The following ACAP2 variants were observed in gnomAD, a reference collection of about 807,000 sequenced individuals.
ACAP2 encodes ArfGAP with coiled-coil, ankyrin repeat and PH domains 2, also known as arf-GAP with coiled-coil, ANK repeat and PH domain-containing protein 2.
In ACAP2, 39 loss-of-function variants were observed where a neutral mutation model predicts 115.8. The observed-to-expected ratio is 0.34, with a 90% CI of 0.26 to 0.44. The LOEUF is 0.44. Among genes scored for constraint, ACAP2 ranks in the 20% least tolerant of loss-of-function variants. ACAP2 has a pLI of 1.00. For synonymous variants in ACAP2, 289 were observed against 315.8 expected, an observed-to-expected ratio of 0.92 and a Z score of 0.90; for missense variants, 662 against 927.6, an observed-to-expected ratio of 0.71 and a Z score of 3.72.
chr3:195,409,627 G>A (rs1290951410), intron 1 of ACAP2, among the ~76,000 whole-genome samples: 1 of 152,072 alleles, frequency 6.6e-6, no homozygotes, highest in East Asian at 1.9e-4. Flanking sequence ...TGTAATCTCA[G>A]CACCCTGGGA....
intron 6 of ACAP2, among the ~76,000 whole-genome samples, chr3:195,338,832 A>G (rs1730684139): frequency 6.6e-6 from 1 of 152,164 alleles, no homozygotes. Flanking sequence ...TATCTTTTTA[A>G]TATGTCCTTC....
chr3:195,368,477 C>T (rs1241423314), intron 4 of ACAP2, among the ~76,000 whole-genome samples: 1 of 152,118 alleles, frequency 6.6e-6, no homozygotes, highest in East Asian at 1.9e-4. Context: ...GTAATTACTA[C>T]TTTGCCAAAG....
rs1491478131 is a variant in ACAP2 at position 195,294,609 on chromosome 3, T to TATATATATATATA, written c.1765+109_1765+110insTATATATATATAT. 13 of 36,818 alleles carry TATATATATATATA rather than the reference T, an allele frequency of 3.5e-4. No individual in the cohort carries two copies. In the East Asian group the frequency reaches 5.1e-3, roughly 14 times the overall value. The allele number at this position is 36,818 out of a possible 1,614,324, so 2.3% of individuals were successfully genotyped here. ...AAAAAGAAGAAAAAAAAAAAAAAAA[T>TATATATATATATA]TATATATATATATATATATATAATT... On this transcript the variant is annotated intron_variant, in intron 18 of 22. Transcript: ENST00000326793.
intron 15 of ACAP2, among the ~76,000 whole-genome samples, chr3:195,300,549 A>G (rs946877107): frequency 1.3e-5 from 2 of 152,222 alleles, no homozygotes; most frequent in Non-Finnish European, 2.9e-5. Flanking sequence ...GGAAAAAAGG[A>G]AGACTTGGTA....
intron 4 of ACAP2, among the ~76,000 whole-genome samples, chr3:195,378,967 T>G (rs758431614): frequency 1.6e-4 from 24 of 152,026 alleles, no homozygotes; most frequent in Non-Finnish European, 3.1e-4. Flanking sequence ...AGCATAAGAT[T>G]TACTGCTTTA....
chr3:195,434,400 T>C (rs1276375700), intron 1 of ACAP2, among the ~76,000 whole-genome samples: 2 of 151,916 alleles, frequency 1.3e-5, no homozygotes, highest in Non-Finnish European at 2.9e-5. Flanking sequence ...ACTTAGCTAA[T>C]TTTTTTTGTT....
chr3:195,353,561 T>C (rs1430827896), intron 4 of ACAP2, among the ~76,000 whole-genome samples: 1 of 152,018 alleles, frequency 6.6e-6, no homozygotes, highest in African/African-American at 2.4e-5. Flanking sequence ...AAACCAATAA[T>C]GATAGCAGAT....
intron 6 of ACAP2, among the ~76,000 whole-genome samples, chr3:195,339,786 A>T (rs1730750307): frequency 6.6e-6 from 1 of 152,102 alleles, no homozygotes; most frequent in Admixed American, 6.5e-5. Context: ...AAGTTTAAAA[A>T]TAATGAAAAT....
rs776957039 is a variant in ACAP2, at chr3:195,297,314, ATACAT to A, written c.1396-38_1396-34del. On this transcript the variant is annotated intron_variant, in intron 15 of 22. Coordinates refer to ENST00000326793, the MANE Select transcript of ACAP2 (RefSeq NM_012287.6). Reference sequence around the variant, plus strand: ...GCAAAAAAAAATAGAAAAATAAGCTATACATTAAAGACCTTAAAATAAGCTAAAAT... The same window carrying A: ...GCAAAAAAAAATAGAAAAATAAGCTATAAAGACCTTAAAATAAGCTAAAAT... The A allele has an allele frequency of 1.3e-5, 20 of 1,584,208 alleles. No individual in the cohort carries two copies. The East Asian group carries it at 4.3e-4, about 34-fold the overall frequency.
intron 1 of ACAP2, among the ~76,000 whole-genome samples, chr3:195,396,793 G>GAAAAA (rs62983860): frequency 0.016 from 1,462 of 91,490 alleles, 6 homozygotes; most frequent in South Asian, 0.019. Context: ...TCTCAAAAAA[G>GAAAAA]AAAAAAAAAA....
chr3:195,295,912 C>A lies in ACAP2; in HGVS notation c.1488-20G>T. ...TCCTGTCTGACAGACATAAAAATGT[C>A]ATGATGTTTTGCTTAATCTCTCAGC... On this transcript the variant is annotated intron_variant, in intron 16 of 22. Transcript: ENST00000326793. 1 of 1,592,374 alleles carries A rather than the reference C, an allele frequency of 6.3e-7. No individual in the cohort carries two copies. Among genetic ancestry groups the A allele is most frequent in the South Asian group, 1.1e-5 (1 of 87,232 alleles).
chr3:195,365,716 T>C (rs746299455), intron 4 of ACAP2, among the ~76,000 whole-genome samples: 30 of 152,218 alleles, frequency 2.0e-4, no homozygotes, highest in Admixed American at 5.2e-4. Context: ...TTGGATCTTT[T>C]GGTTAATCTC....
intron 1 of ACAP2, among the ~76,000 whole-genome samples, chr3:195,428,224 T>C (rs1714829535): frequency 6.6e-6 from 1 of 151,026 alleles, no homozygotes; most frequent in Admixed American, 6.6e-5. Flanking sequence ...ATTATATGTA[T>C]GTATATATGC....
chr3:195,420,981 A>G (rs944328519), intron 1 of ACAP2, among the ~76,000 whole-genome samples: 4 of 152,158 alleles, frequency 2.6e-5, no homozygotes, highest in African/African-American at 9.7e-5. Context: ...TTCTATAGTG[A>G]TAGAATAAGG....
chr3:195,408,092 T>A (rs1471176077), intron 1 of ACAP2, among the ~76,000 whole-genome samples: 1 of 152,198 alleles, frequency 6.6e-6, no homozygotes, highest in Non-Finnish European at 1.5e-5. Context: ...TATCAAGACT[T>A]TAGTCTTTTC....
intron 6 of ACAP2, among the ~76,000 whole-genome samples, chr3:195,340,907 C>T (rs1047114201): frequency 6.6e-6 from 1 of 152,130 alleles, no homozygotes; most frequent in Non-Finnish European, 1.5e-5. Context: ...TAACTTCCCA[C>T]TTACTGAACA....
At chr3:195,394,320 C>A (rs1329854601) in intron 1 of ACAP2, among the ~76,000 whole-genome samples, 1 of 152,142 alleles carries the variant, frequency 6.6e-6, no homozygotes, top group Non-Finnish European at 1.5e-5. Flanking sequence ...TTGTCAGATA[C>A]CCTCTTCATT....
chr3:195,285,750 C>T, intron 22 of ACAP2, 46 bp downstream of exon 22: 3 of 1,422,020 alleles, frequency 2.1e-6, no homozygotes, highest in Non-Finnish European at 2.9e-6. Context: ...TTCCTGAATG[C>T]ATTTCTTATA....
chr3:195,384,043 A>G (rs1390878199), intron 2 of ACAP2, among the ~76,000 whole-genome samples: 3 of 152,258 alleles, frequency 2.0e-5, no homozygotes, highest in East Asian at 3.8e-4. Flanking sequence ...AATTGGTACA[A>G]TATCTACAGA....
Sources: gnomAD v4.1 joint callset for allele counts (sites outside exome capture counted in the v4.1 genomes callset) on GRCh38, gnomAD v4.1.1 for gene constraint, MANE v1.5 for transcripts, NCBI Gene and HGNC (gene_info 2026-07-23, HGNC 2026-07-21) for gene names.